Variants in DLG2 observed in about 807,000 individuals in gnomAD.
DLG2 encodes the protein discs large MAGUK scaffold protein 2, also known as disks large homolog 2.
Under a neutral mutation model 132.5 loss-of-function variants are expected in DLG2, and 45 were observed. The observed-to-expected ratio is 0.34, with a 90% CI of 0.27 to 0.44. The LOEUF (loss-of-function observed/expected upper bound fraction) is 0.44. DLG2 is among the 20% of genes least tolerant of loss of function. The pLI is 1.00. For missense variants in DLG2, 1,045 were observed against 1,196.9 expected, an observed-to-expected ratio of 0.87 and a Z score of 1.87; for synonymous variants, 424 against 419.6, an observed-to-expected ratio of 1.01 and a Z score of -0.13.
chr11:84,043,376 A>C (rs186740320), intron 11 of DLG2, among the ~76,000 whole-genome samples: 111 of 151,584 alleles, frequency 7.3e-4, no homozygotes, highest in African/African-American at 2.4e-3. Flanking sequence ...TGTTTTTTGG[A>C]TTTTTAATTT....
chr11:84,043,057 T>C (rs887913841), intron 11 of DLG2, among the ~76,000 whole-genome samples: 1 of 151,792 alleles, frequency 6.6e-6, no homozygotes, highest in Non-Finnish European at 1.5e-5. Context: ...TTGATTTCTA[T>C]ATTCTGATTT....
chr11:84,263,870 T>C (rs2097578017), intron 7 of DLG2, among the ~76,000 whole-genome samples: 1 of 152,194 alleles, frequency 6.6e-6, no homozygotes, highest in South Asian at 2.1e-4. Context: ...ATCTGTAATG[T>C]GCTTATGTTT....
chr11:83,537,829 A>AAG (rs2095930641), intron 20 of DLG2, among the ~76,000 whole-genome samples: 1 of 138,368 alleles, frequency 7.2e-6, no homozygotes, highest in African/African-American at 3.0e-5. Context: ...AAAAAAAAAA[A>AAG]AAAAAAGAGA....
chr11:85,611,345 T>A (rs755619198), intron 2 of DLG2, among the ~76,000 whole-genome samples: 9 of 152,182 alleles, frequency 5.9e-5, no homozygotes, highest in Non-Finnish European at 1.2e-4. Context: ...CCTACTTAGA[T>A]ACCAGGCACT....
In DLG2 at chr11:83,983,842, A is replaced by G. The variant is rs1051550922; in HGVS notation, c.920-3200T>C. 1.3e-5 allele frequency among the ~76,000 whole-genome samples: 2 copies of G among 152,076 alleles called. 1 individual carries two copies. On this transcript the variant is annotated intron_variant, in intron 11 of 27. Transcript: ENST00000376104. ...TAAAATTTAAAATACATATCAGCTC[A>G]TGTTTCCCAAAACTGTTACTTTATT...
Position 85,625,198 on chromosome 11 carries a change from TA to T in DLG2, c.-93+1388del, listed in dbSNP as rs1299329118. On this transcript the variant is annotated intron_variant, in intron 2 of 27. Transcript: ENST00000376104. Reference sequence around the variant, plus strand: ...TCTCTCTCTCTCTCACACACACACGTAATGTGTTTAATTCCATTATTAGTTC... The same window carrying T: ...TCTCTCTCTCTCTCACACACACACGTATGTGTTTAATTCCATTATTAGTTC... The T allele has an allele frequency of 1.2e-4, 18 of 152,238 alleles. No homozygotes were observed. In the South Asian group the frequency reaches 3.7e-3, roughly 32 times the overall value. 9.4% of individuals were successfully genotyped at this position (152,238 alleles called of 1,614,324 possible).
chr11:85,485,280 C>G (rs1282965679), intron 3 of DLG2, among the ~76,000 whole-genome samples: 1 of 152,052 alleles, frequency 6.6e-6, no homozygotes, highest in East Asian at 1.9e-4. Context: ...TGCAGCGCAC[C>G]AGCATGGCAC....
At chr11:84,694,156 G>A (rs1457559722) in intron 6 of DLG2, among the ~76,000 whole-genome samples, 2 of 151,558 alleles carry the variant, frequency 1.3e-5, no homozygotes, top group Non-Finnish European at 3.0e-5. Context: ...ATTAGCAGGT[G>A]GAGAAGGGAA....
chr11:85,196,346 T>C (rs972886643), intron 4 of DLG2, among the ~76,000 whole-genome samples: 1 of 152,238 alleles, frequency 6.6e-6, no homozygotes, highest in Non-Finnish European at 1.5e-5. Context: ...TTTTCCTTTA[T>C]TTAAATTCTC....
chr11:84,600,163 A>AGAAGGAAAGAAGGAAAGAAG lies in DLG2; in HGVS notation c.358-65433_358-65432insCTTCTTTCCTTCTTTCCTTC, dbSNP rs1555082791. ...AAGAAGGAAAGAAAGAAAGAAGGAA[A>AGAAGGAAAGAAGGAAAGAAG]GAAAGAAAGAAAGAAAGAAAGAAAG... is the stretch of plus-strand genomic sequence containing the variant. On this transcript the variant is annotated intron_variant, in intron 6 of 27. Transcript: ENST00000376104. 4.0e-3 allele frequency among the ~76,000 whole-genome samples: 348 copies of AGAAGGAAAGAAGGAAAGAAG among 87,032 alleles called. 3 individuals carry two copies. The highest frequency in any genetic ancestry group is 0.01 in the African/African-American group (216 of 21,024). The allele number at this position is 87,032 out of a possible 152,430, so 57.1% of individuals were successfully genotyped here. A position where few individuals can be genotyped will look rare whatever the true frequency, so the allele number is the denominator to read the frequency against.
intron 18 of DLG2, among the ~76,000 whole-genome samples, chr11:83,767,785 TC>T (rs2094206713): frequency 6.6e-6 from 1 of 152,166 alleles, no homozygotes; most frequent in Non-Finnish European, 1.5e-5. Flanking sequence ...AATTAATACC[TC>T]CCGGATACTT....
intron 6 of DLG2, among the ~76,000 whole-genome samples, chr11:84,733,001 T>A (rs941122174): frequency 6.6e-6 from 1 of 152,188 alleles, no homozygotes; most frequent in African/African-American, 2.4e-5. Context: ...TAGTATTCCA[T>A]GGTGTATATG....
At chr11:84,801,533 C>G (rs954577776) in intron 6 of DLG2, among the ~76,000 whole-genome samples, 1 of 152,122 alleles carries the variant, frequency 6.6e-6, no homozygotes, top group Non-Finnish European at 1.5e-5. Context: ...TGCACTCCAC[C>G]CTGGGAGACA....
rs1233684525 is a variant in DLG2, at chr11:84,532,065, G to A, written c.519+2505C>T. 2.0e-5 allele frequency among the ~76,000 whole-genome samples: 3 copies of A among 148,130 alleles called. No homozygotes were observed. The East Asian group carries it at 6.0e-4, about 29-fold the overall frequency. On this transcript the variant is annotated intron_variant, in intron 7 of 27. Coordinates refer to ENST00000376104, the MANE Select transcript of DLG2 (RefSeq NM_001142699.3). ...ATAATTATATTATCATGTATATGCT[G>A]AAGACTTAATATACAAAACAAAGCT...
At chr11:85,624,306 C>T (rs543843383) in intron 2 of DLG2, among the ~76,000 whole-genome samples, 1 of 152,268 alleles carries the variant, frequency 6.6e-6, no homozygotes, top group East Asian at 1.9e-4. Flanking sequence ...TGCATGGTAT[C>T]AGTAAAAGAA....
At chr11:85,369,522 C>T (rs2084814784) in intron 3 of DLG2, among the ~76,000 whole-genome samples, 1 of 151,956 alleles carries the variant, frequency 6.6e-6, no homozygotes. Context: ...CCAACTATCA[C>T]TGTTTGTACT....
intron 3 of DLG2, among the ~76,000 whole-genome samples, chr11:85,482,871 A>G (rs1321343403): frequency 1.3e-5 from 2 of 152,220 alleles, no homozygotes; most frequent in Non-Finnish European, 2.9e-5. Context: ...TAAGGCTCCA[A>G]GACCACCCCT....
intron 4 of DLG2, among the ~76,000 whole-genome samples, chr11:85,209,076 T>G (rs1161105424): frequency 6.6e-6 from 1 of 152,108 alleles, no homozygotes; most frequent in East Asian, 1.9e-4. Context: ...ACCCAAGGAT[T>G]CTAGTCCTAA....
At chr11:85,473,706 G>A (rs1360132898) in intron 3 of DLG2, among the ~76,000 whole-genome samples, 2 of 151,798 alleles carry the variant, frequency 1.3e-5, no homozygotes, top group Admixed American at 6.6e-5. Flanking sequence ...TCAGAAACAA[G>A]GTATATTCCC....
Sources: allele counts gnomAD v4.1 joint callset (sites outside exome capture counted in the v4.1 genomes callset), GRCh38; gene constraint gnomAD v4.1.1; transcripts MANE v1.5; gene names NCBI Gene and HGNC (gene_info 2026-07-23, HGNC 2026-07-21).